Variants in ELL2 observed in about 807,000 individuals in gnomAD.
ELL2 encodes elongation factor for RNA polymerase II 2.
ELL2 carries 21 observed loss-of-function variants against 72.8 expected under a neutral mutation model. That is an observed-to-expected ratio of 0.29 (90% CI 0.20 to 0.42). The LOEUF (loss-of-function observed/expected upper bound fraction) is 0.42, where lower values mean the gene tolerates loss of function less well. Ranked by LOEUF, ELL2 falls within the 10% of genes least tolerant of loss-of-function variation. The probability of loss-of-function intolerance (pLI) is 1.00; values close to 1 mark genes in which losing one functional copy is unlikely to be tolerated. For synonymous variants in ELL2, 266 were observed against 283.2 expected (o/e 0.94, Z 0.61); for missense variants, 568 against 772.8 (o/e 0.73, Z 3.14).
chr5:95,907,743 A>G (rs1216956256), intron 4 of ELL2, among the ~76,000 whole-genome samples: 2 of 151,830 alleles, frequency 1.3e-5, no homozygotes, highest in Non-Finnish European at 2.9e-5. Flanking sequence ...CTAAGCCCCA[A>G]TTCTATGCCC....
chr5:95,909,949 C>T (rs986122901), intron 4 of ELL2, among the ~76,000 whole-genome samples: 1 of 151,968 alleles, frequency 6.6e-6, no homozygotes, highest in Non-Finnish European at 1.5e-5. Context: ...AGAAGCCTGG[C>T]AACACAGACC....
intron 2 of ELL2, among the ~76,000 whole-genome samples, chr5:95,937,899 T>C (rs1033728321): frequency 9.2e-5 from 14 of 152,140 alleles, no homozygotes; most frequent in African/African-American, 2.9e-4. Context: ...TAAGAAGGTA[T>C]GGCAGTGCGG....
At chr5:95,907,996 A>T (rs1233246118) in intron 4 of ELL2, among the ~76,000 whole-genome samples, 1 of 152,190 alleles carries the variant, frequency 6.6e-6, no homozygotes, top group African/African-American at 2.4e-5. Flanking sequence ...TAAGGGAAAA[A>T]AGATGAATGC....
intron 2 of ELL2, among the ~76,000 whole-genome samples, chr5:95,934,492 C>T (rs1407300409): frequency 6.6e-6 from 1 of 152,198 alleles, no homozygotes; most frequent in Non-Finnish European, 1.5e-5. Context: ...TACAATGCCA[C>T]TGCTCCAAAA....
intron 3 of ELL2, among the ~76,000 whole-genome samples, chr5:95,915,043 C>T (rs1249225525): frequency 6.6e-6 from 1 of 152,124 alleles, no homozygotes; most frequent in Non-Finnish European, 1.5e-5. Context: ...GACACTACAG[C>T]TCTGATCATC....
chr5:95,936,101 TA>T (rs1750764052), intron 2 of ELL2, among the ~76,000 whole-genome samples: 1 of 152,222 alleles, frequency 6.6e-6, no homozygotes, highest in Non-Finnish European at 1.5e-5. Context: ...GAAGTATGGG[TA>T]AAGACTATGT....
rs183007935 is a variant in ELL2, at chr5:95,896,739, T to C, written c.1526-1048A>G. 4.5e-4 allele frequency among the ~76,000 whole-genome samples: 68 copies of C among 152,358 alleles called. 1 individual carries two copies. The highest frequency in any genetic ancestry group is 3.2e-4 in the Non-Finnish European group (22 of 68,038). ...TGGGTCTAGAGCTTTCCTAACTTTGTAATTATCGCAACTGGTTCTGAAAGT... is the reference window on the plus strand; with the variant it reads ...TGGGTCTAGAGCTTTCCTAACTTTGCAATTATCGCAACTGGTTCTGAAAGT... On this transcript the variant is annotated intron_variant, in intron 8 of 11. Transcript: ENST00000237853.
At chr5:95,915,454 A>AAC (rs886636525) in intron 3 of ELL2, among the ~76,000 whole-genome samples, 5 of 152,240 alleles carry the variant, frequency 3.3e-5, no homozygotes, top group African/African-American at 1.2e-4. Flanking sequence ...ATTTAAGAAA[A>AAC]ACACACACAC....
chr5:95,916,888 A>G (rs1749830728), intron 3 of ELL2, among the ~76,000 whole-genome samples: 1 of 152,162 alleles, frequency 6.6e-6, no homozygotes, highest in East Asian at 1.9e-4. Flanking sequence ...GTATTTCAAC[A>G]TCTCTTCCTA....
At position 95,902,143 on chromosome 5, in the gene ELL2, C is replaced by T. The variant is rs530665734; in HGVS notation, c.742-1063G>A. On this transcript the variant is annotated intron_variant, in intron 5 of 11. Coordinates refer to ENST00000237853, the MANE Select transcript of ELL2 (RefSeq NM_012081.6). ...CTTGATCACTTGTATTAAGTAGAAACCAAACAGTGCCCAAATGTTGGGTTA... is the reference window on the plus strand; with the variant it reads ...CTTGATCACTTGTATTAAGTAGAAATCAAACAGTGCCCAAATGTTGGGTTA... Among the ~76,000 whole-genome samples, 3 of 152,304 alleles carry T rather than the reference C, an allele frequency of 2.0e-5. No homozygotes were observed. In the South Asian group the frequency reaches 6.2e-4, roughly 32 times the overall value.
chr5:95,899,835 G>T (rs762364364), intron 7 of ELL2, among the ~76,000 whole-genome samples: 1 of 152,138 alleles, frequency 6.6e-6, no homozygotes, highest in Non-Finnish European at 1.5e-5. Flanking sequence ...ATATATGCAA[G>T]GACAGACCTG....
In ELL2 at chr5:95,889,068, AAC is replaced by A; in HGVS notation, c.1806+16_1806+17del. 6.2e-7 allele frequency: 1 copy of A among 1,607,198 alleles called. No individual in the cohort carries two copies. The highest frequency in any genetic ancestry group is 8.5e-7 in the Non-Finnish European group (1 of 1,177,360). ...TTTTTCAACCACAGGTCAGAAAATC[AAC>A]AGTGATGATACCTACCTGCTTTATC... is the stretch of plus-strand genomic sequence containing the variant. On this transcript the variant is annotated intron_variant, in intron 11 of 11. Transcript: ENST00000237853.
At chr5:95,927,389 A>ATATATAGACATACACACACGTGTG (rs1156553845) in intron 2 of ELL2, among the ~76,000 whole-genome samples, 3 of 42,384 alleles carry the variant, frequency 7.1e-5, no homozygotes, top group Non-Finnish European at 1.2e-4. Context: ...ACACGTGTGT[A>ATATATAGACATACACACACGTGTG]TATATAGACA....
chr5:95,894,728 C>T (rs1748804813), intron 9 of ELL2, among the ~76,000 whole-genome samples: 1 of 152,330 alleles, frequency 6.6e-6, no homozygotes, highest in Non-Finnish European at 1.5e-5. Flanking sequence ...ATAGCTTTCA[C>T]ACTACTGTTA....
chr5:95,903,168 T>C (rs1003073380), intron 5 of ELL2, among the ~76,000 whole-genome samples: 1 of 150,704 alleles, frequency 6.6e-6, no homozygotes, highest in Non-Finnish European at 1.5e-5. Flanking sequence ...TCTAGGTTTT[T>C]GTAATAGGAC....
At chr5:95,925,557 G>A (rs1442282567) in intron 2 of ELL2, among the ~76,000 whole-genome samples, 1 of 152,160 alleles carries the variant, frequency 6.6e-6, no homozygotes, top group African/African-American at 2.4e-5. Flanking sequence ...CAAGTGGTGC[G>A]TGGCACAAAG....
chr5:95,954,824 T>G (rs932090629), intron 1 of ELL2, among the ~76,000 whole-genome samples: 7 of 152,110 alleles, frequency 4.6e-5, no homozygotes, highest in Admixed American at 3.9e-4. Context: ...ATCTCTGGCC[T>G]GGACCACAAA....
At chr5:95,924,546 A>G (rs1750217699) in intron 2 of ELL2, among the ~76,000 whole-genome samples, 1 of 152,196 alleles carries the variant, frequency 6.6e-6, no homozygotes, top group Non-Finnish European at 1.5e-5. Context: ...TAAATGCCTT[A>G]AGAATAAAAT....
intron 1 of ELL2, among the ~76,000 whole-genome samples, chr5:95,950,921 T>C (rs866170515): frequency 0.016 from 1,670 of 104,308 alleles, 112 homozygotes; most frequent in African/African-American, 0.068. Context: ...TATATATATA[T>C]ATATATATAT....
Sources: allele counts gnomAD v4.1 joint callset (sites outside exome capture counted in the v4.1 genomes callset), GRCh38; gene constraint gnomAD v4.1.1; transcripts MANE v1.5; gene names NCBI Gene and HGNC (gene_info 2026-07-23, HGNC 2026-07-21).